TTL: variants seen among roughly 807,000 people sequenced by gnomAD.
The protein encoded by TTL is tubulin--tyrosine ligase.
Under a neutral mutation model 41.1 loss-of-function variants are expected in TTL, and 10 were observed. The observed-to-expected ratio is 0.24, with a 90% CI of 0.15 to 0.41. The LOEUF is 0.41. Ranked by LOEUF, TTL falls within the 10% of genes least tolerant of loss-of-function variation. The pLI is 1.00. For synonymous variants in TTL, 175 were observed against 175.5 expected, an observed-to-expected ratio of 1.00 and a Z score of 0.02; for missense variants, 367 against 460.4, an observed-to-expected ratio of 0.80 and a Z score of 1.86.
chr2:112,498,272 G>A (rs1487721826), intron 3 of TTL, among the ~76,000 whole-genome samples: 1 of 152,052 alleles, frequency 6.6e-6, no homozygotes, highest in Non-Finnish European at 1.5e-5. Context: ...GCAGTGAGCT[G>A]AGATCGCACC....
Position 112,503,164 on chromosome 2 carries a change from A to G in TTL, c.858A>G (p.Gln286=), listed in dbSNP as rs1174433697. 6.3e-7 allele frequency: 1 copy of G among 1,597,408 alleles called. No individual in the cohort carries two copies. The highest frequency in any genetic ancestry group is 1.7e-5 in the Admixed American group (1 of 59,158). Residue 286 remains glutamine (Q), a synonymous_variant, in exon 5 of 7, where the codon CAA becomes CAG. Coordinates refer to ENST00000233336, the MANE Select transcript of TTL (RefSeq NM_153712.5). ...CCCTAGAAAGTAGTATCTTACTACA[A>G]ATCAAACATATAATAAGGTAACTTA... ...NITLESSILL[Q]IKHIIRNCLL...
Position 112,535,050 on chromosome 2 carries a change from A to G in TTL, c.*6255A>G, listed in dbSNP as rs1477988115. On this transcript the variant is annotated 3_prime_UTR_variant, in exon 7 of 7. Coordinates refer to ENST00000233336, the MANE Select transcript of TTL (RefSeq NM_153712.5). The stretch of plus-strand genomic sequence containing the variant: ...AAAGGAGGGAGGGAAGAAAAGAGAA[A>G]GATTGAGAAAGAAAAAAGAGAAAGA... The G allele has an allele frequency of 1.3e-5, 2 of 150,330 alleles. No homozygotes were observed. The highest frequency in any genetic ancestry group is 5.0e-5 in the African/African-American group (2 of 39,770). 9.3% of individuals were successfully genotyped at this position (150,330 alleles called of 1,614,324 possible).
chr2:112,485,988 T>G lies in TTL; in HGVS notation c.229T>G (p.Leu77Val). The G allele has an allele frequency of 1.9e-6, 3 of 1,614,180 alleles. No homozygotes were observed. Among genetic ancestry groups the G allele is most frequent in the Non-Finnish European group, 2.5e-6 (3 of 1,180,028 alleles). The change falls in exon 2 of 7, where the codon TTA (leucine) becomes GTA (valine). Residue 77 changes from leucine to valine, a missense_variant. Transcript: ENST00000233336. ...TGACAAACTGTGTCGCAAAGCTTCT[T>G]TAGTGAAGTAAGTGTTAAGACCGCT... ...GADKLCRKAS[L>V]VKLIKTSPEL...
rs1682520973 is a variant in TTL, at chr2:112,532,050, G to A, written c.*3255G>A. ...GCAGGTGCTGACATAGGTACCAGCTGACATGATGTGTCACTAGCTCTGTGG... is the reference window on the plus strand; with the variant it reads ...GCAGGTGCTGACATAGGTACCAGCTAACATGATGTGTCACTAGCTCTGTGG... On this transcript the variant is annotated 3_prime_UTR_variant, in exon 7 of 7. Transcript: ENST00000233336. The A allele has an allele frequency of 4.4e-6, 1 of 228,318 alleles. No homozygotes were observed. Among genetic ancestry groups the A allele is most frequent in the African/African-American group, 2.2e-5 (1 of 45,068 alleles). 14.1% of individuals were successfully genotyped at this position (228,318 alleles called of 1,614,324 possible).
At chr2:112,507,566 T>C (rs947442279) in intron 5 of TTL, among the ~76,000 whole-genome samples, 1 of 116,754 alleles carries the variant, frequency 8.6e-6, no homozygotes, top group Non-Finnish European at 1.8e-5. Flanking sequence ...TTTACCATTA[T>C]GTAATGGCCT....
intron 2 of TTL, among the ~76,000 whole-genome samples, chr2:112,488,783 G>A (rs1179706942): frequency 7.3e-6 from 1 of 137,510 alleles, no homozygotes; most frequent in Non-Finnish European, 1.6e-5. Context: ...AAAAGTAACA[G>A]CTGCAATTAA....
intron 6 of TTL, among the ~76,000 whole-genome samples, chr2:112,525,379 G>C (rs1296331810): frequency 2.0e-5 from 3 of 152,098 alleles, no homozygotes; most frequent in Non-Finnish European, 2.9e-5. Flanking sequence ...AATTACCTTG[G>C]GTAGTATGGC....
chr2:112,523,338 G>A, intron 6 of TTL, among the ~76,000 whole-genome samples: 1 of 83,420 alleles, frequency 1.2e-5, no homozygotes, highest in East Asian at 3.9e-4. Context: ...CTGTCTGTGG[G>A]TGTGTGTGTG....
intron 5 of TTL, among the ~76,000 whole-genome samples, chr2:112,513,128 C>T (rs1408189748): frequency 2.0e-5 from 3 of 152,018 alleles, no homozygotes; most frequent in African/African-American, 7.2e-5. Context: ...TATATATCTA[C>T]ACATTGAAAT....
rs1260401105 is a variant in TTL at position 112,531,568 on chromosome 2, C to G, written c.*2773C>G. On this transcript the variant is annotated 3_prime_UTR_variant, in exon 7 of 7. Coordinates refer to ENST00000233336, the MANE Select transcript of TTL (RefSeq NM_153712.5). The stretch of plus-strand genomic sequence containing the variant: ...GTTAGTGCCCACTCTTCCCCTGTAC[C>G]CCCGGACAGTTAAATCAGAACCTCA... 1.3e-5 allele frequency: 3 copies of G among 229,604 alleles called. No homozygotes were observed. Among genetic ancestry groups the G allele is most frequent in the Non-Finnish European group, 2.6e-5 (3 of 115,732 alleles). The allele number at this position is 229,604 out of a possible 1,614,324, so 14.2% of individuals were successfully genotyped here.
At position 112,482,253 on chromosome 2, in the gene TTL, G is replaced by C. The variant is rs1235256906; in HGVS notation, c.-92G>C. The C allele has an allele frequency of 1.1e-6, 1 of 929,330 alleles. No individual in the cohort carries two copies. The highest frequency in any genetic ancestry group is 1.3e-6 in the Non-Finnish European group (1 of 781,936). The allele number at this position is 929,330 out of a possible 1,614,324, so 57.6% of individuals were successfully genotyped here. On this transcript the variant is annotated 5_prime_UTR_variant, in exon 1 of 7. Transcript: ENST00000233336. The surrounding 1 kb of genome is among the most constrained non-coding windows in gnomAD (Gnocchi z 5.3). ...CGGGCGGCGGGGGCCGGGCCGCGGCGGGCGCCCGGGCGGGGTCCGCGCTGA... is the reference window on the plus strand; with the variant it reads ...CGGGCGGCGGGGGCCGGGCCGCGGCCGGCGCCCGGGCGGGGTCCGCGCTGA...
intron 3 of TTL, among the ~76,000 whole-genome samples, chr2:112,496,142 T>C (rs1374955655): frequency 6.6e-6 from 1 of 152,148 alleles, no homozygotes; most frequent in Non-Finnish European, 1.5e-5. Context: ...TCCCTTCTCC[T>C]GTGGGTTTGG....
At position 112,482,205 on chromosome 2, in the gene TTL, C is replaced by A; in HGVS notation, c.-140C>A. 1 of 490,336 alleles carries A rather than the reference C, an allele frequency of 2.0e-6. No homozygotes were observed. Among genetic ancestry groups the A allele is most frequent in the Non-Finnish European group, 2.6e-6 (1 of 380,938 alleles). 30.4% of individuals were successfully genotyped at this position (490,336 alleles called of 1,614,324 possible). On this transcript the variant is annotated 5_prime_UTR_variant, in exon 1 of 7. Coordinates refer to ENST00000233336, the MANE Select transcript of TTL (RefSeq NM_153712.5). The surrounding 1 kb of genome is among the most constrained non-coding windows in gnomAD (Gnocchi z 5.3). Reference sequence around the variant, plus strand: ...GCGCCCGGGCGCGGCGCCGCCGGCACCCGAGAGGCGCGGTAGCCGGCGCGG... The same window carrying A: ...GCGCCCGGGCGCGGCGCCGCCGGCAACCGAGAGGCGCGGTAGCCGGCGCGG...
chr2:112,541,336 C>G lies in TTL; in HGVS notation c.*12541C>G, dbSNP rs1052812629. On this transcript the variant is annotated 3_prime_UTR_variant, in exon 7 of 7. Coordinates refer to ENST00000233336, the MANE Select transcript of TTL (RefSeq NM_153712.5). ...TGGATCTGACAAGGACTAGTATAGG[C>G]TATATAAAGAACTACAACTACTCAG... 7 of 152,066 alleles carry G rather than the reference C, an allele frequency of 4.6e-5. No homozygotes were observed. Among genetic ancestry groups the G allele is most frequent in the Non-Finnish European group, 1.0e-4 (7 of 68,016 alleles). The allele number at this position is 152,066 out of a possible 1,614,324, so 9.4% of individuals were successfully genotyped here.
intron 2 of TTL, among the ~76,000 whole-genome samples, chr2:112,487,940 G>A (rs1681286266): frequency 6.6e-6 from 1 of 152,224 alleles, no homozygotes; most frequent in Non-Finnish European, 1.5e-5. Context: ...CAAAGTGGCA[G>A]TTCAGAGAGG....
At chr2:112,517,115 T>C (rs1213275648) in intron 5 of TTL, among the ~76,000 whole-genome samples, 1 of 112,732 alleles carries the variant, frequency 8.9e-6, no homozygotes, top group South Asian at 2.6e-4. Context: ...TGATGAGGGA[T>C]AAAAATCCTT....
chr2:112,521,818 AC>A (rs1324779192), intron 6 of TTL, among the ~76,000 whole-genome samples: 1 of 152,248 alleles, frequency 6.6e-6, no homozygotes, highest in African/African-American at 2.4e-5. Context: ...TCAATGGAGA[AC>A]AAAGGATGTT....
In TTL at chr2:112,494,384, G is replaced by C. The variant is rs373553109; in HGVS notation, c.469+9G>C. The C allele has an allele frequency of 6.2e-7, 1 of 1,605,120 alleles. No homozygotes were observed. The highest frequency in any genetic ancestry group is 1.3e-5 in the African/African-American group (1 of 74,780). On this transcript the variant is annotated intron_variant, in intron 3 of 6. Coordinates refer to ENST00000233336, the MANE Select transcript of TTL (RefSeq NM_153712.5). The stretch of plus-strand genomic sequence containing the variant: ...ATCAGCCGGTGCCAAAGGTGAGTTG[G>C]CACTGCTGTCCCCTTCTCTATTCCT...
At position 112,532,211 on chromosome 2, in the gene TTL, G is replaced by A. The variant is rs1255939374; in HGVS notation, c.*3416G>A. ...CAGCCCTCTTGCAAGTGTGGTGAGA[G>A]GCTCTACTAGCAAAGACATGGGCAC... is the stretch of plus-strand genomic sequence containing the variant. On this transcript the variant is annotated 3_prime_UTR_variant, in exon 7 of 7. Transcript: ENST00000233336. 1 of 227,508 alleles carries A rather than the reference G, an allele frequency of 4.4e-6. No homozygotes were observed. The highest frequency in any genetic ancestry group is 8.7e-6 in the Non-Finnish European group (1 of 114,566). The allele number at this position is 227,508 out of a possible 1,614,324, so 14.1% of individuals were successfully genotyped here.
Sources: allele counts gnomAD v4.1 joint callset (sites outside exome capture counted in the v4.1 genomes callset), GRCh38; gene constraint gnomAD v4.1.1; non-coding constraint Gnocchi (gnomAD v3.1); transcripts MANE v1.5; gene names NCBI Gene and HGNC (gene_info 2026-07-23, HGNC 2026-07-21).